CAST: variants seen among roughly 807,000 people sequenced by gnomAD.
CAST encodes the protein calpastatin.
Under a neutral mutation model 119.6 loss-of-function variants are expected in CAST, and 76 were observed. The ratio of observed to expected loss-of-function variants is 0.64; its 90% CI spans 0.53 to 0.77. CAST has a LOEUF of 0.77. Among genes scored for constraint, CAST ranks in the 30% least tolerant of loss-of-function variants. The pLI is 0.00. For missense variants in CAST, 953 were observed against 946.5 expected, an observed-to-expected ratio of 1.01 and a Z score of -0.09; for synonymous variants, 319 against 331.6, an observed-to-expected ratio of 0.96 and a Z score of 0.41.
chr5:96,106,642 A>G, the CAST span, among the ~76,000 whole-genome samples: 1 of 148,030 alleles, frequency 6.8e-6, no homozygotes, highest in Non-Finnish European at 1.5e-5. Flanking sequence ...TTTACTTCCA[A>G]CTATGTGGTC....
the CAST span, among the ~76,000 whole-genome samples, chr5:96,103,172 C>T: frequency 3.4e-4 from 52 of 151,994 alleles, no homozygotes; most frequent in Non-Finnish European, 6.2e-4. Flanking sequence ...AATGATTAAA[C>T]ATATTATCAA....
chr5:96,057,908 C>T, the CAST span, among the ~76,000 whole-genome samples: 7 of 152,042 alleles, frequency 4.6e-5, no homozygotes, highest in African/African-American at 1.7e-4. Flanking sequence ...CTTGACTCTG[C>T]CCTTGATTGA....
intron 1 of CAST, among the ~76,000 whole-genome samples, chr5:96,590,544 A>ATACAG: frequency 6.6e-6 from 1 of 152,222 alleles, no homozygotes; most frequent in African/African-American, 2.4e-5. Flanking sequence ...TACAGACACC[A>ATACAG]TGTCCTAAAT....
the CAST span, among the ~76,000 whole-genome samples, chr5:96,416,311 T>C: frequency 6.6e-6 from 1 of 152,212 alleles, no homozygotes; most frequent in African/African-American, 2.4e-5. Flanking sequence ...AGAGACAAAG[T>C]ATGTGATTTC....
At chr5:96,040,536 A>G in the CAST span, among the ~76,000 whole-genome samples, 3 of 152,102 alleles carry the variant, frequency 2.0e-5, no homozygotes, top group Admixed American at 2.0e-4. Flanking sequence ...TTTTATTTTG[A>G]GATACCTTCC....
chr5:96,216,270 T>TA, the CAST span, among the ~76,000 whole-genome samples: 2 of 152,100 alleles, frequency 1.3e-5, no homozygotes, highest in East Asian at 3.9e-4. Context: ...TCAAAAAAAT[T>TA]ATATGTGGAT....
At chr5:96,026,674 G>C in the CAST span, among the ~76,000 whole-genome samples, 3 of 152,096 alleles carry the variant, frequency 2.0e-5, no homozygotes, top group African/African-American at 2.4e-5. Flanking sequence ...GAAGCACTTA[G>C]GTAAAAGAAA....
At chr5:96,140,449 C>A in the CAST span, among the ~76,000 whole-genome samples, 396 of 152,260 alleles carry the variant, frequency 2.6e-3, 2 homozygotes, top group Non-Finnish European at 4.5e-3. Context: ...TAATGCAGGT[C>A]TAAGATTCTT....
At chr5:96,423,876 G>A in the CAST span, among the ~76,000 whole-genome samples, 1 of 152,182 alleles carries the variant, frequency 6.6e-6, no homozygotes, top group Non-Finnish European at 1.5e-5. Flanking sequence ...ATTGCCTGGT[G>A]CATAGTCATT....
chr5:96,033,623 T>A, the CAST span, among the ~76,000 whole-genome samples: 1 of 151,996 alleles, frequency 6.6e-6, no homozygotes, highest in Admixed American at 6.6e-5. Flanking sequence ...TAGATCTGCA[T>A]CTCATACCAT....
At chr5:96,432,002 C>G in the CAST span, 1 of 1,005,244 alleles carries the variant, frequency 9.9e-7, no homozygotes. Flanking sequence ...GCCCACCCAC[C>G]TCCAACCAGC....
At chr5:96,010,060 C>T in the CAST span, among the ~76,000 whole-genome samples, 1 of 152,260 alleles carries the variant, frequency 6.6e-6, no homozygotes, top group Middle Eastern at 3.4e-3. Context: ...ATCCTTTCCC[C>T]ATTGCTTGTT....
At chr5:96,062,918 T>G in the CAST span, among the ~76,000 whole-genome samples, 1 of 152,190 alleles carries the variant, frequency 6.6e-6, no homozygotes, top group African/African-American at 2.4e-5. Context: ...GGGTCAAGAA[T>G]GAGGGCTCAA....
chr5:96,307,810 C>T, the CAST span, among the ~76,000 whole-genome samples: 1 of 152,136 alleles, frequency 6.6e-6, no homozygotes, highest in African/African-American at 2.4e-5. Context: ...AGGGTTTCTC[C>T]CGAGAGATCC....
chr5:96,139,556 A>ATGTGTG, the CAST span, among the ~76,000 whole-genome samples: 14 of 147,148 alleles, frequency 9.5e-5, no homozygotes, highest in African/African-American at 2.5e-4. Context: ...ATGTATATAT[A>ATGTGTG]TGTGTGTGTG....
At chr5:96,310,291 A>T in the CAST span, among the ~76,000 whole-genome samples, 1 of 152,162 alleles carries the variant, frequency 6.6e-6, no homozygotes, top group Non-Finnish European at 1.5e-5. Context: ...TCACTTGATC[A>T]TGGTGTGTGA....
At chr5:96,263,516 G>C in the CAST span, among the ~76,000 whole-genome samples, 1 of 152,066 alleles carries the variant, frequency 6.6e-6, no homozygotes, top group African/African-American at 2.4e-5. Flanking sequence ...ATCACCTGTT[G>C]AGAATTTTTG....
At chr5:96,183,795 A>G in the CAST span, among the ~76,000 whole-genome samples, 1 of 152,308 alleles carries the variant, frequency 6.6e-6, no homozygotes, top group Non-Finnish European at 1.5e-5. Context: ...CAATTTTAAC[A>G]TTCCCTTGTT....
the CAST span, among the ~76,000 whole-genome samples, chr5:96,502,571 C>G: frequency 4.6e-5 from 7 of 151,950 alleles, no homozygotes; most frequent in Non-Finnish European, 8.8e-5. Context: ...TGCTTTTCCC[C>G]CATCCTACTC....
Sources: gnomAD v4.1 joint callset for allele counts (sites outside exome capture counted in the v4.1 genomes callset) on GRCh38, gnomAD v4.1.1 for gene constraint, MANE v1.5 for transcripts, NCBI Gene and HGNC (gene_info 2026-07-23, HGNC 2026-07-21) for gene names.